The following OR5AR1 variants were observed in gnomAD, a reference collection of about 807,000 sequenced individuals.
OR5AR1 encodes olfactory receptor 5AR1.
OR5AR1 carries 19 observed loss-of-function variants against 12.3 expected under a neutral mutation model. The observed-to-expected ratio is 1.55, with a 90% CI of 1.08 to 2.27. OR5AR1 has a LOEUF of 2.27. OR5AR1 is among the 30% of genes most tolerant of loss of function. The pLI, the probability that OR5AR1 is intolerant of heterozygous loss-of-function variation, is 0.00. For missense variants in OR5AR1, 432 were observed against 378.4 expected (o/e 1.14, Z -1.18); for synonymous variants, 156 against 138.8 (o/e 1.12, Z -0.87).
At position 56,664,341 on chromosome 11, in the gene OR5AR1, C is replaced by T; in HGVS notation, c.656C>T (p.Thr219Ile). Residue 219 changes from threonine (T) to isoleucine (I), a missense_variant, in exon 1 of 1, where the codon ACC becomes ATC. Thr to Ile is a moderately conservative substitution (Grantham distance 89). Transcript: ENST00000624596. ...ATCCTCATCATCTTCATCTCCTATA[C>T]CTTTATCCTTGTTGCAATCATCAGA... is the stretch of plus-strand genomic sequence containing the variant. ...STILIIFISY[T>I]FILVAIIRMR... 6.2e-7 allele frequency: 1 copy of T among 1,614,108 alleles called. No individual in the cohort carries two copies. Among genetic ancestry groups the T allele is most frequent in the Non-Finnish European group, 8.5e-7 (1 of 1,180,022 alleles).
At position 56,663,993 on chromosome 11, in the gene OR5AR1, T is replaced by G. The variant is rs145136990; in HGVS notation, c.308T>G (p.Phe103Cys). The G allele has an allele frequency of 6.2e-7, 1 of 1,614,092 alleles. No homozygotes were observed. Among genetic ancestry groups the G allele is most frequent in the Non-Finnish European group, 8.5e-7 (1 of 1,180,006 alleles). Residue 103 changes from phenylalanine (F) to cysteine (C), a missense_variant, in exon 1 of 1, where the codon TTT becomes TGT. Coordinates refer to ENST00000624596, the MANE Select transcript of OR5AR1 (RefSeq NM_001004730.1). ...SFSSCATQFA[F>C]FVGFVDAECY... ...TCCAGCTGTGCCACCCAGTTTGCTTTTTTTGTAGGTTTTGTGGATGCTGAG... is the reference window on the plus strand; with the variant it reads ...TCCAGCTGTGCCACCCAGTTTGCTTGTTTTGTAGGTTTTGTGGATGCTGAG...
rs149111778 is a variant in OR5AR1, at chr11:56,664,034, G to T, written c.349G>T (p.Ala117Ser). The T allele has an allele frequency of 2.5e-6, 4 of 1,613,844 alleles. No individual in the cohort carries two copies. The African/African-American group carries it at 5.3e-5, about 22-fold the overall frequency. ...GGATGCTGAGTGCTATGTCCTGGCA[G>T]CCATGGCCTATGGTCGTTTTGTGGC... ...FVDAECYVLA[A>S]MAYGRFVAIC... The change falls in exon 1 of 1, where the codon GCC (alanine) becomes TCC (serine). Residue 117 changes from alanine (A) to serine (S), a missense_variant. Ala to Ser is a moderately conservative substitution (Grantham distance 99, BLOSUM62 1). Transcript: ENST00000624596.
At position 56,664,242 on chromosome 11, in the gene OR5AR1, C is replaced by A; in HGVS notation, c.557C>A (p.Ala186Asp). The A allele has an allele frequency of 1.2e-6, 2 of 1,614,084 alleles. No individual in the cohort carries two copies. The highest frequency in any genetic ancestry group is 2.2e-5 in the South Asian group (2 of 91,076). ...HFFCEIPPLL[A>D]LSCSDTYISE... The stretch of plus-strand genomic sequence containing the variant: ...TTCTGCGAAATCCCACCACTCTTGG[C>A]CCTCTCTTGCTCAGACACCTACATC... Residue 186 changes from alanine (A) to aspartate (D), a missense_variant, in exon 1 of 1, where the codon GCC becomes GAC. Transcript: ENST00000624596.
chr11:56,663,916 T>C lies in OR5AR1; in HGVS notation c.231T>C (p.Ile77=), dbSNP rs868368081. 23 of 1,614,098 alleles carry C rather than the reference T, an allele frequency of 1.4e-5. 1 individual carries two copies. In the Middle Eastern group the frequency reaches 3.8e-3, roughly 266 times the overall value. Residue 77 remains isoleucine, a synonymous_variant, in exon 1 of 1, where the codon ATT becomes ATC. Transcript: ENST00000624596. ...SFVDLGYSSA[I]APRMLADFLT... ...TTGACCTGGGCTACTCCTCAGCCATTGCCCCCAGGATGCTGGCTGACTTCC... is the reference window on the plus strand; with the variant it reads ...TTGACCTGGGCTACTCCTCAGCCATCGCCCCCAGGATGCTGGCTGACTTCC...
chr11:56,664,201 T>C lies in OR5AR1; in HGVS notation c.516T>C (p.Asn172=). The C allele has an allele frequency of 1.2e-6, 2 of 1,614,072 alleles. No individual in the cohort carries two copies. The highest frequency in any genetic ancestry group is 1.3e-5 in the African/African-American group (1 of 75,014). Residue 172 remains asparagine, a synonymous_variant, in exon 1 of 1, where the codon AAT becomes AAC. Coordinates refer to ENST00000624596, the MANE Select transcript of OR5AR1 (RefSeq NM_001004730.1). ...TCAGCCTGAGTTACTGTGGTTCCAATATCATCAATCATTTCTTCTGCGAAA... is the reference window on the plus strand; with the variant it reads ...TCAGCCTGAGTTACTGTGGTTCCAACATCATCAATCATTTCTTCTGCGAAA... The part of the protein sequence containing the change: ...LTFSLSYCGS[N]IINHFFCEIP...
Sources: allele counts gnomAD v4.1 joint callset, GRCh38; gene constraint gnomAD v4.1.1; transcripts MANE v1.5; gene names NCBI Gene and HGNC (gene_info 2026-07-23, HGNC 2026-07-21).